The following SPAG17 variants were observed in gnomAD, a reference collection of about 807,000 sequenced individuals.
SPAG17 encodes the protein sperm-associated antigen 17.
A neutral mutation model predicts 273.6 loss-of-function variants in SPAG17; 169 were observed. The ratio of observed to expected loss-of-function variants is 0.62; its 90% CI spans 0.55 to 0.70. The LOEUF (loss-of-function observed/expected upper bound fraction) is 0.70, where lower values mean the gene tolerates loss of function less well. Among genes scored for constraint, SPAG17 ranks in the 30% least tolerant of loss-of-function variants. The pLI, the probability that SPAG17 is intolerant of heterozygous loss-of-function variation, is 0.00. For missense variants in SPAG17, 2,557 were observed against 2,627.8 expected (o/e 0.97, Z 0.59); for synonymous variants, 825 against 873.2 (o/e 0.94, Z 0.97).
At chr1:118,181,170 G>A (rs1172070657) in intron 1 of SPAG17, among the ~76,000 whole-genome samples, 1 of 151,788 alleles carries the variant, frequency 6.6e-6, no homozygotes, top group African/African-American at 2.4e-5. Flanking sequence ...TTCTAAACAT[G>A]TCACACAAAA....
intron 1 of SPAG17, among the ~76,000 whole-genome samples, chr1:118,152,565 A>C (rs1659446513): frequency 6.6e-6 from 1 of 152,150 alleles, no homozygotes; most frequent in Non-Finnish European, 1.5e-5. Context: ...ACTACCTAAC[A>C]AGACTCACCC....
chr1:118,037,506 C>T lies in SPAG17; in HGVS notation c.3320-623G>A, dbSNP rs376992520. On this transcript the variant is annotated intron_variant, in intron 23 of 48. Transcript: ENST00000336338. ...TTTTGATCCTTACCCTTCTCCCAAC[C>T]TTCCCTCTTAAATAGGCCCCACTGT... Among the ~76,000 whole-genome samples the T allele has an allele frequency of 8.5e-5, 13 of 152,218 alleles. No homozygotes were observed. The East Asian group carries it at 9.6e-4, about 11-fold the overall frequency.
intron 46 of SPAG17, 130 bp from the exon 47 acceptor site, chr1:117,966,883 CAA>C (rs1653919785): frequency 1.5e-6 from 1 of 676,482 alleles, no homozygotes; most frequent in Non-Finnish European, 2.3e-6. Flanking sequence ...TTGGCACTAA[CAA>C]ATGGTAGTTA....
intron 3 of SPAG17, among the ~76,000 whole-genome samples, chr1:118,138,552 T>C (rs1272483575): frequency 6.7e-6 from 1 of 149,008 alleles, no homozygotes; most frequent in Admixed American, 6.7e-5. Flanking sequence ...TACACACATA[T>C]ACACACATGC....
At chr1:118,094,343 T>C (rs976314080) in intron 7 of SPAG17, among the ~76,000 whole-genome samples, 2 of 152,258 alleles carry the variant, frequency 1.3e-5, no homozygotes, top group Non-Finnish European at 2.9e-5. Flanking sequence ...AATCACATGC[T>C]AAGGACAACA....
chr1:117,968,914 A>G (rs1654225502), intron 46 of SPAG17, among the ~76,000 whole-genome samples: 1 of 152,122 alleles, frequency 6.6e-6, no homozygotes. Context: ...AGTACCCACT[A>G]TGTGCCTGGC....
chr1:117,996,272 G>A, intron 34 of SPAG17, 98 bp downstream of exon 34: 1 of 1,399,420 alleles, frequency 7.1e-7, no homozygotes, highest in East Asian at 2.3e-5. Context: ...AGTGAGCAAA[G>A]CGGAAAAAGT....
chr1:118,016,163 C>T lies in SPAG17; in HGVS notation c.4089G>A (p.Gln1363=). 1.2e-6 allele frequency: 2 copies of T among 1,613,030 alleles called. No individual in the cohort carries two copies. Among genetic ancestry groups the T allele is most frequent in the East Asian group, 2.2e-5 (1 of 44,852 alleles). ...NTKKGKSHKS[Q]SSMAHKGEIH... ...TTTCACCCTTATGGGCCATTGATGA[C>T]TGACTTTTGTGACTTTTTCCTGTGA... is the stretch of plus-strand genomic sequence containing the variant. Residue 1363 remains glutamine (Q), a synonymous_variant, in exon 29 of 49, where the codon CAG becomes CAA. Transcript: ENST00000336338.
chr1:117,976,459 A>G (rs1174686493), intron 43 of SPAG17, among the ~76,000 whole-genome samples: 1 of 152,188 alleles, frequency 6.6e-6, no homozygotes, highest in Non-Finnish European at 1.5e-5. Context: ...TTTCTGCTCC[A>G]TTGACTCTGA....
At chr1:118,017,724 C>A (rs1284156023) in intron 28 of SPAG17, among the ~76,000 whole-genome samples, 1 of 152,036 alleles carries the variant, frequency 6.6e-6, no homozygotes, top group Non-Finnish European at 1.5e-5. Flanking sequence ...AATTTTGATA[C>A]AAATGTATAT....
At chr1:118,010,898 T>C (rs1437524553) in intron 30 of SPAG17, among the ~76,000 whole-genome samples, 1 of 151,908 alleles carries the variant, frequency 6.6e-6, no homozygotes, top group Middle Eastern at 3.2e-3. Flanking sequence ...AACAACCCCA[T>C]TAAAAAGTGG....
chr1:118,071,306 T>G (rs1218410064), intron 17 of SPAG17, among the ~76,000 whole-genome samples: 1 of 151,962 alleles, frequency 6.6e-6, no homozygotes, highest in Non-Finnish European at 1.5e-5. Flanking sequence ...AAGAGATAAT[T>G]CATGGAGAAG....
chr1:118,055,887 A>G lies in SPAG17; in HGVS notation c.2568T>C (p.Ser856=). The part of the protein sequence containing the change: ...FRNYLELVAK[S]IQDWITKEEA... ...CTTCTTTTGTAATCCAATCTTGAAT[A>G]GATTTTGCAACAAGTTCCAAATAAT... The change falls in exon 19 of 49, where the codon TCT becomes TCC. Residue 856 remains serine (S), a synonymous_variant. Coordinates refer to ENST00000336338, the MANE Select transcript of SPAG17 (RefSeq NM_206996.4). 1 of 1,606,286 alleles carries G rather than the reference A, an allele frequency of 6.2e-7. No individual in the cohort carries two copies. Among genetic ancestry groups the G allele is most frequent in the Non-Finnish European group, 8.5e-7 (1 of 1,178,170 alleles).
chr1:117,982,096 C>A (rs1288561085), intron 42 of SPAG17, among the ~76,000 whole-genome samples: 1 of 152,130 alleles, frequency 6.6e-6, no homozygotes, highest in Admixed American at 6.5e-5. Flanking sequence ...TGATTTCTCC[C>A]CATCACATTT....
chr1:118,091,562 AAAC>A, intron 10 of SPAG17, 41 bp downstream of exon 10: 1 of 1,076,036 alleles, frequency 9.3e-7, no homozygotes. Context: ...AGGAAAGATG[AAAC>A]GACTTACTCA....
intron 4 of SPAG17, among the ~76,000 whole-genome samples, chr1:118,114,097 T>C (rs1481663681): frequency 6.6e-6 from 1 of 152,154 alleles, no homozygotes; most frequent in Non-Finnish European, 1.5e-5. Context: ...CCATATGGCA[T>C]TGGAATTTAA....
Position 118,016,100 on chromosome 1 carries a change from A to G in SPAG17, c.4152T>C (p.Thr1384=), listed in dbSNP as rs1659946367. Residue 1384 remains threonine, a synonymous_variant, in exon 29 of 49, where the codon ACT becomes ACC. Coordinates refer to ENST00000336338, the MANE Select transcript of SPAG17 (RefSeq NM_206996.4). Reference sequence around the variant, plus strand: ...AGGTGCCTATGTGAACCTCCACAGGAGTTACAGTTTGAACTGCCTCTGGAG... The same window carrying G: ...AGGTGCCTATGTGAACCTCCACAGGGGTTACAGTTTGAACTGCCTCTGGAG... ...DPPPEAVQTV[T]PVEVHIGTWF... 2 of 1,614,054 alleles carry G rather than the reference A, an allele frequency of 1.2e-6. No individual in the cohort carries two copies. The highest frequency in any genetic ancestry group is 4.5e-5 in the East Asian group (2 of 44,866).
chr1:117,958,360 T>C (rs1438141527), intron 48 of SPAG17, among the ~76,000 whole-genome samples: 1 of 152,204 alleles, frequency 6.6e-6, no homozygotes, highest in Non-Finnish European at 1.5e-5. Context: ...TTTTTACTGC[T>C]ATGGTATACG....
intron 28 of SPAG17, among the ~76,000 whole-genome samples, chr1:118,021,874 C>T (rs1660531451): frequency 1.3e-5 from 2 of 152,060 alleles, no homozygotes; most frequent in South Asian, 4.1e-4. Context: ...AGAGGGAACC[C>T]TTGAGCCGAG....
Sources: allele counts gnomAD v4.1 joint callset (sites outside exome capture counted in the v4.1 genomes callset), GRCh38; gene constraint gnomAD v4.1.1; transcripts MANE v1.5; gene names NCBI Gene and HGNC (gene_info 2026-07-23, HGNC 2026-07-21).